CDK19: variants seen among roughly 807,000 people sequenced by gnomAD.
CDK19 encodes cyclin dependent kinase 19.
Under a neutral mutation model 68.3 loss-of-function variants are expected in CDK19, and 20 were observed. The observed-to-expected ratio is 0.29, with a 90% CI of 0.21 to 0.43. The LOEUF is 0.43. Ranked by LOEUF, CDK19 falls within the 20% of genes least tolerant of loss-of-function variation. CDK19 has a pLI of 1.00. For synonymous variants in CDK19, 221 were observed against 222.8 expected (o/e 0.99, Z 0.07); for missense variants, 339 against 623.5 (o/e 0.54, Z 4.86).
chr6:110,758,035 T>A (rs1388676231), intron 1 of CDK19, among the ~76,000 whole-genome samples: 2 of 151,812 alleles, frequency 1.3e-5, no homozygotes, highest in Admixed American at 6.6e-5. Context: ...CTAAAAAAAA[T>A]TTAAAAATTG....
chr6:110,755,943 G>A (rs1231360987), intron 1 of CDK19, among the ~76,000 whole-genome samples: 3 of 152,090 alleles, frequency 2.0e-5, no homozygotes, highest in African/African-American at 7.2e-5. Flanking sequence ...ATGGACTCAA[G>A]AGGCATTTCA....
intron 5 of CDK19, 135 bp from the exon 6 acceptor site, chr6:110,632,296 T>C: frequency 1.6e-6 from 1 of 639,192 alleles, no homozygotes; most frequent in Non-Finnish European, 2.6e-6. Flanking sequence ...GCTGACCTTA[T>C]AAAGCAATCC....
intron 1 of CDK19, among the ~76,000 whole-genome samples, chr6:110,802,832 G>A (rs1031378199): frequency 6.6e-6 from 1 of 152,132 alleles, no homozygotes; most frequent in African/African-American, 2.4e-5. Flanking sequence ...AAATTTGAAG[G>A]TTAGGATGAG....
intron 2 of CDK19, among the ~76,000 whole-genome samples, chr6:110,719,093 G>A (rs1177302154): frequency 1.3e-5 from 2 of 152,066 alleles, no homozygotes; most frequent in Admixed American, 1.3e-4. Context: ...CATTAGTTCA[G>A]GGAGAAAAAA....
chr6:110,773,212 G>T (rs372725964), intron 1 of CDK19, among the ~76,000 whole-genome samples: 1 of 152,088 alleles, frequency 6.6e-6, no homozygotes, highest in Non-Finnish European at 1.5e-5. Context: ...GGGCGTGATG[G>T]TGCGTGTCTG....
intron 10 of CDK19, 54 bp downstream of exon 10, chr6:110,622,761 C>A: frequency 8.9e-7 from 1 of 1,127,858 alleles, no homozygotes; most frequent in Non-Finnish European, 1.4e-6. Flanking sequence ...CTTTCAACCA[C>A]CATGCAGCCT....
intron 4 of CDK19, chr6:110,646,165 C>T: frequency 9.2e-7 from 1 of 1,087,252 alleles, no homozygotes; most frequent in Non-Finnish European, 1.3e-6. Flanking sequence ...ACGCAGCGCG[C>T]CACCGGCCAC....
chr6:110,686,912 G>C (rs915525488), intron 2 of CDK19, among the ~76,000 whole-genome samples: 1 of 152,084 alleles, frequency 6.6e-6, no homozygotes, highest in African/African-American at 2.4e-5. Context: ...AAAATACATA[G>C]TTTCGGCCAG....
intron 2 of CDK19, among the ~76,000 whole-genome samples, chr6:110,688,058 A>C (rs1291862374): frequency 2.6e-5 from 4 of 152,150 alleles, no homozygotes; most frequent in African/African-American, 9.7e-5. Flanking sequence ...CTTCAAACAA[A>C]CACCCACAAC....
intron 4 of CDK19, among the ~76,000 whole-genome samples, chr6:110,657,748 A>G (rs1259557718): frequency 7.2e-5 from 11 of 152,170 alleles, no homozygotes; most frequent in Non-Finnish European, 2.9e-5. Context: ...ACAGGCCACT[A>G]AAACTTTATG....
chr6:110,686,500 G>A (rs542067479), intron 2 of CDK19, among the ~76,000 whole-genome samples: 60 of 152,280 alleles, frequency 3.9e-4, no homozygotes, highest in African/African-American at 1.4e-3. Flanking sequence ...ATCACTACAT[G>A]ATAGGGTGTA....
At chr6:110,616,546 T>C (rs1441552250) in intron 12 of CDK19, among the ~76,000 whole-genome samples, 1 of 152,076 alleles carries the variant, frequency 6.6e-6, no homozygotes, top group East Asian at 1.9e-4. Context: ...TGGGTCCCTG[T>C]AGTTCCAGCT....
At chr6:110,639,979 G>A (rs762239404) in intron 4 of CDK19, among the ~76,000 whole-genome samples, 7 of 152,144 alleles carry the variant, frequency 4.6e-5, no homozygotes, top group East Asian at 1.9e-4. Flanking sequence ...TTGGGAGACC[G>A]AGGCGGGAGA....
intron 6 of CDK19, among the ~76,000 whole-genome samples, chr6:110,630,054 C>A (rs1210309522): frequency 6.6e-6 from 1 of 152,106 alleles, no homozygotes; most frequent in East Asian, 1.9e-4. Context: ...AGAAAATATT[C>A]ATAAAATTGT....
At chr6:110,673,148 T>G (rs1204332094) in intron 2 of CDK19, among the ~76,000 whole-genome samples, 1 of 152,198 alleles carries the variant, frequency 6.6e-6, no homozygotes, top group African/African-American at 2.4e-5. Context: ...TATGTCTCTA[T>G]GAATTTGACT....
At chr6:110,727,635 T>C (rs1356644668) in intron 2 of CDK19, among the ~76,000 whole-genome samples, 2 of 20,954 alleles carry the variant, frequency 9.5e-5, no homozygotes, top group African/African-American at 1.8e-4. Context: ...AAAATCTCTG[T>C]CTGCCCTCTC....
rs1275389842 is a variant in CDK19 at position 110,759,428 on chromosome 6, A to AAAAATAT, written c.129-13228_129-13227insATATTTT. Among the ~76,000 whole-genome samples, 66 of 50,898 alleles carry AAAAATAT rather than the reference A, an allele frequency of 1.3e-3. 2 individuals carry two copies. In the East Asian group the frequency reaches 0.032, roughly 24 times the overall value. 33.4% of individuals were successfully genotyped at this position (50,898 alleles called of 152,430 possible). A position where few individuals can be genotyped will look rare whatever the true frequency, so the allele number is the denominator to read the frequency against. ...TTAAAAAAAAAAAAAAAAAAAAAAAAATATATATATATATATATATATAAA... is the reference window on the plus strand; with the variant it reads ...TTAAAAAAAAAAAAAAAAAAAAAAAAAAAATATATATATATATATATATATATATAAA... On this transcript the variant is annotated intron_variant, in intron 1 of 12. Coordinates refer to ENST00000368911, the MANE Select transcript of CDK19 (RefSeq NM_015076.5).
At chr6:110,762,397 G>A (rs1779289792) in intron 1 of CDK19, among the ~76,000 whole-genome samples, 2 of 152,154 alleles carry the variant, frequency 1.3e-5, no homozygotes, top group Non-Finnish European at 2.9e-5. Flanking sequence ...CCAAGCATGT[G>A]TATGCACTAT....
chr6:110,756,601 T>C lies in CDK19; in HGVS notation c.129-10400A>G, dbSNP rs58255399. On this transcript the variant is annotated intron_variant, in intron 1 of 12. Transcript: ENST00000368911. ...CTGTGGCCAAATATATTTAGGTACA[T>C]TGTAGGCATTCAAGAAATATTTAAT... 3.0e-3 allele frequency among the ~76,000 whole-genome samples: 452 copies of C among 152,082 alleles called. 2 individuals are homozygous for C. Among genetic ancestry groups the C allele is most frequent in the African/African-American group, 0.011 (437 of 41,478 alleles).
Sources: gnomAD v4.1 joint callset for allele counts (sites outside exome capture counted in the v4.1 genomes callset) on GRCh38, gnomAD v4.1.1 for gene constraint, MANE v1.5 for transcripts, NCBI Gene and HGNC (gene_info 2026-07-23, HGNC 2026-07-21) for gene names.